KCTD8: variants seen among roughly 807,000 people sequenced by gnomAD.
KCTD8 encodes potassium channel tetramerization domain containing 8.
Under a neutral mutation model 31.5 loss-of-function variants are expected in KCTD8, and 27 were observed. The observed-to-expected ratio is 0.86, with a 90% confidence interval of 0.63 to 1.18. The LOEUF (loss-of-function observed/expected upper bound fraction) is 1.18. Among genes scored for constraint, KCTD8 ranks in the 50% most tolerant of loss-of-function variants. The pLI, the probability that KCTD8 is intolerant of heterozygous loss-of-function variation, is 0.00. For synonymous variants in KCTD8, 290 were observed against 280.0 expected, an observed-to-expected ratio of 1.04 and a Z score of -0.36; for missense variants, 658 against 647.7, an observed-to-expected ratio of 1.02 and a Z score of -0.17.
At chr4:44,405,461 G>A (rs1720770490) in intron 1 of KCTD8, among the ~76,000 whole-genome samples, 1 of 152,122 alleles carries the variant, frequency 6.6e-6, no homozygotes, top group African/African-American at 2.4e-5. Context: ...ATTTCACCAT[G>A]TTGGCCAGAA....
chr4:44,369,121 C>T (rs1719716038), intron 1 of KCTD8, among the ~76,000 whole-genome samples: 1 of 152,220 alleles, frequency 6.6e-6, no homozygotes, highest in Non-Finnish European at 1.5e-5. Flanking sequence ...AGTCAGAGTA[C>T]TTACTAGGAT....
At chr4:44,228,519 T>C (rs1316009908) in intron 1 of KCTD8, among the ~76,000 whole-genome samples, 2 of 152,224 alleles carry the variant, frequency 1.3e-5, no homozygotes, top group African/African-American at 2.4e-5. Flanking sequence ...GCAAGCCATA[T>C]GGCTTCCATT....
chr4:44,299,675 C>T (rs1320106780), intron 1 of KCTD8, among the ~76,000 whole-genome samples: 1 of 151,452 alleles, frequency 6.6e-6, no homozygotes, highest in African/African-American at 2.4e-5. Context: ...TTGCAGTGAG[C>T]CGAGATCGCG....
At chr4:44,244,193 A>C (rs79761724) in intron 1 of KCTD8, among the ~76,000 whole-genome samples, 8,135 of 152,192 alleles carry the variant, frequency 0.053, 734 homozygotes, top group African/African-American at 0.19. Flanking sequence ...TCTGTTATTC[A>C]TGCTTTTCCT....
Position 44,448,111 on chromosome 4 carries a change from T to G in KCTD8, c.413A>C (p.Gln138Pro). Residue 138 changes from glutamine (Q) to proline (P), a missense_variant, in exon 1 of 2, where the codon CAG (glutamine) becomes CCG (proline). Gln to Pro is a moderately conservative substitution (Grantham distance 76, BLOSUM62 -1). Coordinates refer to ENST00000360029, the MANE Select transcript of KCTD8 (RefSeq NM_198353.3). This position sits in a 1 kb window ranked among gnomAD's most constrained non-coding sequence, Gnocchi z 4.1. The part of the protein sequence containing the change: ...ERLLREAEYF[Q>P]LTDLVKLLSP... ...CAGCAGCTTGACCAAGTCGGTGAGCTGGAAATACTCGGCCTCGCGCAGCAG... is the reference window on the plus strand; with the variant it reads ...CAGCAGCTTGACCAAGTCGGTGAGCGGGAAATACTCGGCCTCGCGCAGCAG... The G allele has an allele frequency of 5.0e-6, 8 of 1,612,304 alleles. No individual in the cohort carries two copies. The highest frequency in any genetic ancestry group is 6.8e-6 in the Non-Finnish European group (8 of 1,179,760).
intron 1 of KCTD8, among the ~76,000 whole-genome samples, chr4:44,259,635 C>CT (rs1266386544): frequency 6.6e-6 from 1 of 151,916 alleles, no homozygotes; most frequent in Non-Finnish European, 1.5e-5. Flanking sequence ...TAGCTTTTTG[C>CT]TAACGCAAGT....
intron 1 of KCTD8, among the ~76,000 whole-genome samples, chr4:44,278,230 A>G (rs1321529444): frequency 4.6e-5 from 7 of 152,038 alleles, no homozygotes; most frequent in Admixed American, 4.6e-4. Context: ...AATATATAGT[A>G]ACTATATGTA....
At chr4:44,233,023 A>C (rs1300829038) in intron 1 of KCTD8, among the ~76,000 whole-genome samples, 1 of 152,058 alleles carries the variant, frequency 6.6e-6, no homozygotes, top group South Asian at 2.1e-4. Flanking sequence ...TATTTGATAA[A>C]TGTAAAATTT....
chr4:44,209,921 T>C (rs552736037), intron 1 of KCTD8, among the ~76,000 whole-genome samples: 5 of 152,314 alleles, frequency 3.3e-5, no homozygotes, highest in African/African-American at 1.2e-4. Flanking sequence ...TAAAAAAAGC[T>C]ACACTATGGA....
intron 1 of KCTD8, among the ~76,000 whole-genome samples, chr4:44,410,402 A>C (rs1268305831): frequency 2.0e-5 from 3 of 152,218 alleles, no homozygotes; most frequent in Non-Finnish European, 2.9e-5. Flanking sequence ...TACTTCATGC[A>C]ATAGTCTCAA....
chr4:44,432,066 T>C (rs1050862159), intron 1 of KCTD8, among the ~76,000 whole-genome samples: 7 of 151,722 alleles, frequency 4.6e-5, no homozygotes, highest in Admixed American at 3.9e-4. Context: ...ATGTCCTTTC[T>C]CTCTTTTATC....
At chr4:44,241,278 C>A (rs1383993672) in intron 1 of KCTD8, among the ~76,000 whole-genome samples, 1 of 152,184 alleles carries the variant, frequency 6.6e-6, no homozygotes. Context: ...GTGAATATTA[C>A]AATTGTAAAA....
intron 1 of KCTD8, among the ~76,000 whole-genome samples, chr4:44,218,640 GA>G (rs33947810): frequency 0.26 from 38,984 of 148,140 alleles, 5,221 homozygotes; most frequent in South Asian, 0.33. Context: ...AATAAATAAA[GA>G]AAAAAAAATT....
chr4:44,349,965 C>T (rs1365113518), intron 1 of KCTD8, among the ~76,000 whole-genome samples: 1 of 152,108 alleles, frequency 6.6e-6, no homozygotes, highest in African/African-American at 2.4e-5. Context: ...TAGAGAGAGA[C>T]AAGCTTCAGA....
intron 1 of KCTD8, among the ~76,000 whole-genome samples, chr4:44,201,793 G>T (rs542491492): frequency 1.3e-5 from 2 of 152,172 alleles, no homozygotes; most frequent in East Asian, 3.9e-4. Flanking sequence ...AAAATTGACA[G>T]TGTGACCTAA....
At chr4:44,365,373 T>C (rs544592119) in intron 1 of KCTD8, among the ~76,000 whole-genome samples, 3 of 152,244 alleles carry the variant, frequency 2.0e-5, no homozygotes, top group East Asian at 1.9e-4. Flanking sequence ...AAAATTCTCA[T>C]GCTGTCCTTG....
chr4:44,324,044 T>TAAAA (rs34203587), intron 1 of KCTD8, among the ~76,000 whole-genome samples: 4 of 117,202 alleles, frequency 3.4e-5, no homozygotes, highest in Middle Eastern at 4.8e-3. Context: ...AAAGTATAAT[T>TAAAA]AAAAAAAAAA....
At chr4:44,261,606 A>G (rs1716167277) in intron 1 of KCTD8, among the ~76,000 whole-genome samples, 1 of 151,754 alleles carries the variant, frequency 6.6e-6, no homozygotes. Flanking sequence ...CATACCCCCA[A>G]CCCCTGGCAA....
At chr4:44,253,051 C>T (rs1384641015) in intron 1 of KCTD8, among the ~76,000 whole-genome samples, 1 of 151,558 alleles carries the variant, frequency 6.6e-6, no homozygotes, top group East Asian at 1.9e-4. Context: ...TATCAAAGTT[C>T]CATACATATT....
Sources: gnomAD v4.1 joint callset for allele counts (sites outside exome capture counted in the v4.1 genomes callset) on GRCh38, gnomAD v4.1.1 for gene constraint, Gnocchi (gnomAD v3.1) non-coding constraint, MANE v1.5 for transcripts, NCBI Gene and HGNC (gene_info 2026-07-23, HGNC 2026-07-21) for gene names.